Variants in CCDC102B observed in about 807,000 individuals in gnomAD.
The protein encoded by CCDC102B is coiled-coil domain containing 102B.
A neutral mutation model predicts 57.4 loss-of-function variants in CCDC102B; 75 were observed. The ratio of observed to expected loss-of-function variants is 1.31; its 90% confidence interval spans 1.08 to 1.58. CCDC102B has a LOEUF of 1.58. Ranked by LOEUF, CCDC102B falls within the 40% of genes most tolerant of loss-of-function variation. CCDC102B has a pLI of 0.00. For synonymous variants in CCDC102B, 206 were observed against 201.9 expected, an observed-to-expected ratio of 1.02 and a Z score of -0.17; for missense variants, 636 against 582.6, an observed-to-expected ratio of 1.09 and a Z score of -0.94.
chr18:69,043,981 T>A (rs922973716), intron 7 of CCDC102B, among the ~76,000 whole-genome samples: 3 of 152,058 alleles, frequency 2.0e-5, no homozygotes, highest in African/African-American at 7.2e-5. Context: ...TGGTAAGGGG[T>A]CCAAGAAAGT....
intron 2 of CCDC102B, among the ~76,000 whole-genome samples, chr18:68,717,525 TC>T (rs1237765112): frequency 6.6e-6 from 1 of 152,178 alleles, no homozygotes; most frequent in African/African-American, 2.4e-5. Flanking sequence ...CCGTTGCACA[TC>T]ACTGATCTAG....
chr18:69,039,419 A>G lies in CCDC102B; in HGVS notation c.1435-14611A>G, dbSNP rs544052030. Among the ~76,000 whole-genome samples the G allele has an allele frequency of 2.6e-5, 4 of 151,870 alleles. No individual in the cohort carries two copies. The East Asian group carries it at 7.7e-4, about 29-fold the overall frequency. The stretch of plus-strand genomic sequence containing the variant: ...TAATTTGGGTCATGTGTGCATTGTT[A>G]TTTTGCTATTATCATAGGTTACTTA... On this transcript the variant is annotated intron_variant, in intron 7 of 7. Transcript: ENST00000360242.
intron 2 of CCDC102B, among the ~76,000 whole-genome samples, chr18:68,752,652 A>G (rs2033903284): frequency 6.6e-6 from 1 of 152,132 alleles, no homozygotes; most frequent in Admixed American, 6.6e-5. Flanking sequence ...ACTAATTTTC[A>G]CTTAATGTTA....
intron 7 of CCDC102B, among the ~76,000 whole-genome samples, chr18:69,039,468 T>A (rs1295140403): frequency 6.6e-6 from 1 of 151,936 alleles, no homozygotes; most frequent in Non-Finnish European, 1.5e-5. Context: ...CTATTCTAAG[T>A]TTTCTGCATC....
chr18:68,741,696 CA>C (rs2033391886), intron 2 of CCDC102B, among the ~76,000 whole-genome samples: 1 of 147,790 alleles, frequency 6.8e-6, no homozygotes, highest in Admixed American at 6.8e-5. Context: ...CACACACACA[CA>C]CACACACACA....
intron 5 of CCDC102B, among the ~76,000 whole-genome samples, chr18:68,886,996 C>CT (rs1433523673): frequency 6.6e-6 from 1 of 152,072 alleles, no homozygotes; most frequent in Non-Finnish European, 1.5e-5. Flanking sequence ...CTGACCACTG[C>CT]TTTTTTAGCT....
chr18:68,853,225 T>C (rs1289201278), intron 4 of CCDC102B, among the ~76,000 whole-genome samples: 1 of 152,204 alleles, frequency 6.6e-6, no homozygotes, highest in Non-Finnish European at 1.5e-5. Context: ...GAAATGTACT[T>C]GATAATGCAC....
intron 5 of CCDC102B, among the ~76,000 whole-genome samples, chr18:68,880,614 C>T (rs935090455): frequency 3.3e-5 from 5 of 152,220 alleles, no homozygotes; most frequent in Non-Finnish European, 7.3e-5. Context: ...ACTCTACTTT[C>T]AGGGTGAATT....
intron 1 of CCDC102B, among the ~76,000 whole-genome samples, chr18:68,820,989 C>A (rs2036668693): frequency 6.6e-6 from 1 of 152,068 alleles, no homozygotes; most frequent in Admixed American, 6.6e-5. Context: ...AAATAGACTG[C>A]CTCATTTCTT....
chr18:68,839,935 A>G (rs186859929), intron 3 of CCDC102B, among the ~76,000 whole-genome samples: 34 of 152,258 alleles, frequency 2.2e-4, no homozygotes, highest in African/African-American at 6.5e-4. Flanking sequence ...AAACAATTTT[A>G]TAATAAGGGT....
chr18:68,867,640 A>C (rs2144905677), intron 4 of CCDC102B, among the ~76,000 whole-genome samples: 1 of 152,246 alleles, frequency 6.6e-6, no homozygotes, highest in East Asian at 1.9e-4. Context: ...GAGGGAGATA[A>C]AGAGGGCTAG....
intron 3 of CCDC102B, among the ~76,000 whole-genome samples, chr18:68,840,769 T>A (rs909198962): frequency 6.6e-6 from 1 of 152,230 alleles, no homozygotes. Context: ...TTTTTCTAGA[T>A]GTAAACTTCT....
intron 6 of CCDC102B, among the ~76,000 whole-genome samples, chr18:68,912,971 T>C (rs890441347): frequency 2.6e-5 from 4 of 152,202 alleles, no homozygotes; most frequent in Admixed American, 6.5e-5. Flanking sequence ...TTCACTAAAA[T>C]GGCTATTGGC....
chr18:68,756,508 G>A (rs1325162515), intron 2 of CCDC102B, among the ~76,000 whole-genome samples: 2 of 152,166 alleles, frequency 1.3e-5, no homozygotes, highest in Admixed American at 6.5e-5. Flanking sequence ...GATTATATAT[G>A]AAAATATCCT....
intron 6 of CCDC102B, among the ~76,000 whole-genome samples, chr18:68,949,876 T>G (rs1421000805): frequency 1.3e-5 from 2 of 152,154 alleles, no homozygotes; most frequent in Non-Finnish European, 2.9e-5. Flanking sequence ...AATTAAAAAA[T>G]TGGATAACTA....
chr18:68,795,367 A>G (rs952518472), upstream of CCDC102B, among the ~76,000 whole-genome samples: 12 of 152,196 alleles, frequency 7.9e-5, no homozygotes, highest in African/African-American at 1.7e-4. Flanking sequence ...AAGGCCATAT[A>G]TATTTCAGAA....
chr18:68,895,666 T>C (rs1323769671), intron 5 of CCDC102B, among the ~76,000 whole-genome samples: 1 of 151,852 alleles, frequency 6.6e-6, no homozygotes, highest in Non-Finnish European at 1.5e-5. Flanking sequence ...TAGTTGACCC[T>C]CTTCTGTCCC....
Position 68,874,691 on chromosome 18 carries a change from A to G in CCDC102B, c.959A>G (p.His320Arg). The G allele has an allele frequency of 6.2e-7, 1 of 1,610,194 alleles. No homozygotes were observed. Among genetic ancestry groups the G allele is most frequent in the Non-Finnish European group, 8.5e-7 (1 of 1,176,942 alleles). ...VKEFDILLGQHNDEMQELSGN... is the reference protein window; with the variant it reads ...VKEFDILLGQRNDEMQELSGN... ...CAGTTTGACATTCTTCTTGGTCAAC[A>G]TAATGATGAAATGCAAGAACTGTCA... The change falls in exon 5 of 8, where the codon CAT becomes CGT. Residue 320 changes from histidine to arginine, a missense_variant. His to Arg is a conservative substitution (Grantham distance 29, BLOSUM62 0). Transcript: ENST00000360242.
intron 2 of CCDC102B, among the ~76,000 whole-genome samples, chr18:68,723,140 G>A (rs749815797): frequency 4.6e-5 from 7 of 152,070 alleles, no homozygotes; most frequent in Non-Finnish European, 8.8e-5. Context: ...AAGGTGGAAA[G>A]CCCCTTTTAA....
Sources: gnomAD v4.1 joint callset for allele counts (sites outside exome capture counted in the v4.1 genomes callset) on GRCh38, gnomAD v4.1.1 for gene constraint, MANE v1.5 for transcripts, NCBI Gene and HGNC (gene_info 2026-07-23, HGNC 2026-07-21) for gene names.